The following NRXN1 variants were observed in gnomAD, a reference collection of about 807,000 sequenced individuals.
NRXN1 encodes the protein neurexin 1.
NRXN1 carries 39 observed loss-of-function variants against 150.9 expected under a neutral mutation model. The observed-to-expected ratio is 0.26, with a 90% CI of 0.20 to 0.34. The LOEUF (loss-of-function observed/expected upper bound fraction) is 0.34. Ranked by LOEUF, NRXN1 falls within the 10% of genes least tolerant of loss-of-function variation. NRXN1 has a pLI of 1.00. For synonymous variants in NRXN1, 924 were observed against 757.0 expected (o/e 1.22, Z -3.62); for missense variants, 1,815 against 1,949.9 (o/e 0.93, Z 1.30).
intron 15 of NRXN1, 132 bp downstream of exon 15, chr2:50,495,773 A>T: frequency 1.5e-6 from 1 of 657,290 alleles, no homozygotes. Context: ...TTGTATTGTT[A>T]ATTATGTGCT....
intron 18 of NRXN1, chr2:50,174,555 T>C (rs551706369): frequency 6.6e-6 from 1 of 152,292 alleles, no homozygotes; most frequent in South Asian, 2.1e-4. Context: ...TCATATGACA[T>C]TCATATCACA....
chr2:50,887,350 A>T (rs921788478), intron 5 of NRXN1, among the ~76,000 whole-genome samples: 2 of 151,504 alleles, frequency 1.3e-5, no homozygotes, highest in Admixed American at 1.3e-4. Flanking sequence ...TCAGTTTCAG[A>T]TACGTACTAG....
At chr2:50,277,965 G>T (rs928795370) in intron 17 of NRXN1, among the ~76,000 whole-genome samples, 1 of 151,286 alleles carries the variant, frequency 6.6e-6, no homozygotes, top group African/African-American at 2.4e-5. Flanking sequence ...TTAAGGTCCT[G>T]GTTATTTTAT....
intron 2 of NRXN1, among the ~76,000 whole-genome samples, chr2:50,977,542 T>C (rs767619183): frequency 6.6e-6 from 1 of 151,938 alleles, no homozygotes. Context: ...ACTACAAGTT[T>C]AAATGAAGTA....
intron 18 of NRXN1, among the ~76,000 whole-genome samples, chr2:50,129,272 T>C (rs149706035): frequency 6.6e-6 from 1 of 152,148 alleles, no homozygotes; most frequent in Non-Finnish European, 1.5e-5. Context: ...TCAAAGCTCC[T>C]ATAACTTCTG....
At chr2:50,628,786 A>G (rs1374980234) in intron 5 of NRXN1, among the ~76,000 whole-genome samples, 1 of 151,678 alleles carries the variant, frequency 6.6e-6, no homozygotes, top group Non-Finnish European at 1.5e-5. Context: ...ACTTATATCT[A>G]GGATACAAAG....
At chr2:50,815,226 C>T (rs563445615) in intron 5 of NRXN1, among the ~76,000 whole-genome samples, 2 of 152,210 alleles carry the variant, frequency 1.3e-5, no homozygotes, top group East Asian at 3.9e-4. Context: ...AGCAGGTACA[C>T]AAGACAAGAC....
chr2:50,886,187 CTT>C (rs1680215551), intron 5 of NRXN1, among the ~76,000 whole-genome samples: 1 of 151,166 alleles, frequency 6.6e-6, no homozygotes, highest in Non-Finnish European at 1.5e-5. Flanking sequence ...TACCCAAACA[CTT>C]TTCTAACTGG....
chr2:50,046,824 G>A (rs147770396), intron 21 of NRXN1, among the ~76,000 whole-genome samples: 2 of 152,126 alleles, frequency 1.3e-5, no homozygotes, highest in Admixed American at 6.5e-5. Context: ...CTCCCAGAAC[G>A]CAGGGCCTCA....
At chr2:50,373,595 GAGAGAGAGAAAGAA>G (rs1331477369) in intron 17 of NRXN1, among the ~76,000 whole-genome samples, 8 of 145,466 alleles carry the variant, frequency 5.5e-5, no homozygotes, top group East Asian at 4.0e-4. Context: ...AAGAAAGAAA[GAGAGAGAGAAAGAA>G]AGAGAGAGAG....
intron 17 of NRXN1, among the ~76,000 whole-genome samples, chr2:50,321,015 C>G (rs1055186302): frequency 8.5e-5 from 13 of 152,086 alleles, no homozygotes; most frequent in African/African-American, 3.1e-4. Flanking sequence ...AGAATCCAGG[C>G]ATTCAGGATT....
At chr2:50,170,975 T>C (rs2059996443) in intron 18 of NRXN1, among the ~76,000 whole-genome samples, 1 of 152,176 alleles carries the variant, frequency 6.6e-6, no homozygotes, top group South Asian at 2.1e-4. Context: ...GTGTTATATG[T>C]AGTATATACT....
chr2:50,873,043 A>G (rs561740338), intron 5 of NRXN1, among the ~76,000 whole-genome samples: 1 of 151,820 alleles, frequency 6.6e-6, no homozygotes, highest in Non-Finnish European at 1.5e-5. Flanking sequence ...TATGATGTCT[A>G]AAAGTTAGAT....
intron 5 of NRXN1, among the ~76,000 whole-genome samples, chr2:50,895,238 G>A (rs990455286): frequency 3.3e-5 from 5 of 151,526 alleles, no homozygotes; most frequent in Non-Finnish European, 5.9e-5. Context: ...CACAAACAAT[G>A]AGCCATTTTA....
chr2:50,540,066 G>A (rs1392399049), intron 9 of NRXN1, among the ~76,000 whole-genome samples: 5 of 152,160 alleles, frequency 3.3e-5, no homozygotes, highest in African/African-American at 9.7e-5. Flanking sequence ...TCTTTGTCAG[G>A]GAGAAGGGCA....
chr2:50,154,391 G>A (rs2058886796), intron 18 of NRXN1, among the ~76,000 whole-genome samples: 2 of 151,436 alleles, frequency 1.3e-5, no homozygotes, highest in Admixed American at 1.3e-4. Flanking sequence ...AAAACAGTGT[G>A]GAAAAAATTA....
chr2:50,656,703 C>T (rs1573991335), intron 5 of NRXN1, among the ~76,000 whole-genome samples: 1 of 151,658 alleles, frequency 6.6e-6, no homozygotes, highest in South Asian at 2.1e-4. Flanking sequence ...CCCCACCACT[C>T]CATTCAAGCT....
intron 5 of NRXN1, among the ~76,000 whole-genome samples, chr2:50,809,332 A>T (rs931587828): frequency 1.3e-5 from 2 of 152,062 alleles, no homozygotes; most frequent in East Asian, 3.9e-4. Flanking sequence ...ACATTTTTAA[A>T]TTATTTCTGT....
rs1693119113 is a variant in NRXN1 at position 50,053,599 on chromosome 2, A to G, written c.3809-9T>C. 1 of 1,613,448 alleles carries G rather than the reference A, an allele frequency of 6.2e-7. No individual in the cohort carries two copies. The highest frequency in any genetic ancestry group is 2.2e-5 in the East Asian group (1 of 44,870). ...GATTGTGAGCTGACGCCCTGTAAAA[A>G]TAATATTACATACATGCAAAAATGT... On this transcript the variant is annotated splice_polypyrimidine_tract_variant and intron_variant, in intron 20 of 22. Coordinates refer to ENST00000401669, the MANE Select transcript of NRXN1 (RefSeq NM_001330078.2).
Sources: allele counts gnomAD v4.1 joint callset (sites outside exome capture counted in the v4.1 genomes callset), GRCh38; gene constraint gnomAD v4.1.1; transcripts MANE v1.5; gene names NCBI Gene and HGNC (gene_info 2026-07-23, HGNC 2026-07-21).